Variants in ATG2B observed in about 807,000 individuals in gnomAD.
ATG2B encodes the protein autophagy-related protein 2 homolog B.
Under a neutral mutation model 241.3 loss-of-function variants are expected in ATG2B, and 121 were observed. The ratio of observed to expected loss-of-function variants is 0.50; its 90% CI spans 0.43 to 0.58. The LOEUF (loss-of-function observed/expected upper bound fraction) is 0.58, where lower values mean the gene tolerates loss of function less well. Among genes scored for constraint, ATG2B ranks in the 20% least tolerant of loss-of-function variants. The probability of loss-of-function intolerance (pLI) is 0.00; values close to 1 mark genes in which losing one functional copy is unlikely to be tolerated. For synonymous variants in ATG2B, 858 were observed against 876.6 expected, an observed-to-expected ratio of 0.98 and a Z score of 0.37; for missense variants, 2,306 against 2,491.6, an observed-to-expected ratio of 0.93 and a Z score of 1.59.
intron 8 of ATG2B, among the ~76,000 whole-genome samples, chr14:96,333,132 T>G: frequency 6.6e-6 from 1 of 152,118 alleles, no homozygotes; most frequent in South Asian, 2.1e-4. Flanking sequence ...TGGCCAAAAT[T>G]TTTTGAGTAG....
intron 18 of ATG2B, 25 bp downstream of exon 18, chr14:96,322,087 T>C: frequency 6.8e-7 from 1 of 1,472,564 alleles, no homozygotes; most frequent in South Asian, 1.4e-5. Flanking sequence ...ATTCCAAAGA[T>C]TCAACTAAAT....
intron 1 of ATG2B, among the ~76,000 whole-genome samples, chr14:96,360,500 G>A (rs1888593434): frequency 6.6e-6 from 1 of 152,246 alleles, no homozygotes; most frequent in Middle Eastern, 3.4e-3. Context: ...TTTACAAAAT[G>A]TTTAAAAACA....
chr14:96,315,079 A>G, intron 23 of ATG2B, 75 bp downstream of exon 23: 1 of 1,061,534 alleles, frequency 9.4e-7, no homozygotes, highest in Non-Finnish European at 1.4e-6. Flanking sequence ...TATGACTTAC[A>G]AACTTTTCAG....
chr14:96,319,904 A>C (rs550429324), intron 18 of ATG2B, among the ~76,000 whole-genome samples: 1 of 152,306 alleles, frequency 6.6e-6, no homozygotes, highest in South Asian at 2.1e-4. Context: ...CAAAGGATGC[A>C]AACCCTGAGG....
At chr14:96,297,770 A>C (rs1009141996) in intron 34 of ATG2B, among the ~76,000 whole-genome samples, 1 of 152,072 alleles carries the variant, frequency 6.6e-6, no homozygotes, top group Non-Finnish European at 1.5e-5. Context: ...TTTACAAATC[A>C]GTAAGACCAA....
At chr14:96,357,294 T>C (rs932537442) in intron 1 of ATG2B, among the ~76,000 whole-genome samples, 1 of 152,156 alleles carries the variant, frequency 6.6e-6, no homozygotes, top group South Asian at 2.1e-4. Flanking sequence ...TTCATCTAAG[T>C]TTCATCTTCG....
At position 96,329,479 on chromosome 14, in the gene ATG2B, T is replaced by G; in HGVS notation, c.1881+5A>C. 1 of 1,581,000 alleles carries G rather than the reference T, an allele frequency of 6.3e-7. No homozygotes were observed. Among genetic ancestry groups the G allele is most frequent in the Non-Finnish European group, 8.6e-7 (1 of 1,165,662 alleles). Reference sequence around the variant, plus strand: ...AATCTTAAAGAAAAAGTATTCAATATTTACCTCTGTATAGTGAGGAGGAAC... The same window carrying G: ...AATCTTAAAGAAAAAGTATTCAATAGTTACCTCTGTATAGTGAGGAGGAAC... On this transcript the variant is annotated splice_donor_5th_base_variant and intron_variant, in intron 12 of 41. Coordinates refer to ENST00000359933, the MANE Select transcript of ATG2B (RefSeq NM_018036.7).
chr14:96,334,364 A>C, intron 7 of ATG2B, 41 bp downstream of exon 7: 1 of 1,359,218 alleles, frequency 7.4e-7, no homozygotes, highest in Non-Finnish European at 1.0e-6. Flanking sequence ...TTTAAAATTT[A>C]AAAAAGTAAC....
In ATG2B at chr14:96,309,738, G is replaced by A. The variant is rs1349125952; in HGVS notation, c.4162-144C>T. The A allele has an allele frequency of 3.9e-6, 3 of 776,178 alleles. No individual in the cohort carries two copies. In the South Asian group the frequency reaches 7.6e-5, roughly 20 times the overall value. The allele number at this position is 776,178 out of a possible 1,614,324, so 48.1% of individuals were successfully genotyped here. ...ACTCATTTTTCTATGCCCAGCAGCT[G>A]TTATATTTCAAGTTTTTAGTATTAT... On this transcript the variant is annotated intron_variant, in intron 28 of 41. Transcript: ENST00000359933.
chr14:96,343,301 C>A lies in ATG2B; in HGVS notation c.582-20G>T. ...ACAGTTCTGAAATTTTTTTAAAAAG[C>A]ATTTACAAAAAGCTCCTAGGGGTGC... On this transcript the variant is annotated intron_variant, in intron 4 of 41. Transcript: ENST00000359933. 1 of 1,543,406 alleles carries A rather than the reference C, an allele frequency of 6.5e-7. No homozygotes were observed. The highest frequency in any genetic ancestry group is 2.0e-5 in the Admixed American group (1 of 48,920).
Position 96,311,620 on chromosome 14 carries a change from T to C in ATG2B, c.3914-2A>G. The C allele has an allele frequency of 6.3e-7, 1 of 1,596,700 alleles. No individual in the cohort carries two copies. Among genetic ancestry groups the C allele is most frequent in the Non-Finnish European group, 8.6e-7 (1 of 1,166,846 alleles). On this transcript the variant is annotated splice_acceptor_variant, in intron 26 of 41. Transcript: ENST00000359933. LOFTEE classifies it high-confidence loss of function. Reference sequence around the variant, plus strand: ...CCATATCCATCACACGAACATAATCTAAAATTTTTAAAATTAAGAAAATCT... The same window carrying C: ...CCATATCCATCACACGAACATAATCCAAAATTTTTAAAATTAAGAAAATCT...
intron 34 of ATG2B, among the ~76,000 whole-genome samples, chr14:96,296,380 G>A (rs960808566): frequency 2.6e-5 from 4 of 152,064 alleles, no homozygotes; most frequent in African/African-American, 7.2e-5. Context: ...AGGCAGCTTC[G>A]TTTTGCCTAT....
chr14:96,312,524 C>G (rs1237131831), intron 25 of ATG2B, among the ~76,000 whole-genome samples: 3 of 152,088 alleles, frequency 2.0e-5, no homozygotes, highest in African/African-American at 7.2e-5. Flanking sequence ...GGAGGACCAC[C>G]TGAGGCCAGG....
intron 30 of ATG2B, among the ~76,000 whole-genome samples, chr14:96,306,247 A>C (rs1393796164): frequency 1.3e-5 from 2 of 152,340 alleles, no homozygotes; most frequent in East Asian, 3.9e-4. Flanking sequence ...AGGTTCTCAG[A>C]ACTTTGTAAA....
chr14:96,295,444 T>C, intron 35 of ATG2B, 38 bp downstream of exon 35: 1 of 1,349,210 alleles, frequency 7.4e-7, no homozygotes, highest in Non-Finnish European at 1.0e-6. Context: ...TCAATCCAAG[T>C]ACTTGGTATA....
chr14:96,348,257 C>T (rs1888221907), intron 1 of ATG2B, among the ~76,000 whole-genome samples: 1 of 152,144 alleles, frequency 6.6e-6, no homozygotes, highest in African/African-American at 2.4e-5. Flanking sequence ...TTTGCATGTT[C>T]TCACTTATCT....
intron 29 of ATG2B, among the ~76,000 whole-genome samples, chr14:96,308,284 T>TA (rs1566720015): frequency 1.2e-4 from 5 of 42,988 alleles, no homozygotes; most frequent in South Asian, 7.2e-4. Context: ...ATATATATAT[T>TA]TTTTTTTTTT....
At chr14:96,297,824 C>T (rs184841779) in intron 34 of ATG2B, among the ~76,000 whole-genome samples, 40 of 152,234 alleles carry the variant, frequency 2.6e-4, no homozygotes, top group Middle Eastern at 3.4e-3. Flanking sequence ...GGGGGTCTCG[C>T]TCTGTCACCC....
rs1271068329 is a variant in ATG2B at position 96,302,036 on chromosome 14, G to A, written c.5110C>T (p.Leu1704=). 1.2e-6 allele frequency: 2 copies of A among 1,614,080 alleles called. No individual in the cohort carries two copies. The highest frequency in any genetic ancestry group is 8.5e-7 in the Non-Finnish European group (1 of 1,179,994). The change falls in exon 34 of 42, where the codon CTG becomes TTG. Residue 1704 remains leucine, a synonymous_variant. Coordinates refer to ENST00000359933, the MANE Select transcript of ATG2B (RefSeq NM_018036.7). Reference sequence around the variant, plus strand: ...TCAATATTGAGGCGGAGCGGCATCAGCGACACTCTCAAGCAGCACTCCTGT... The same window carrying A: ...TCAATATTGAGGCGGAGCGGCATCAACGACACTCTCAAGCAGCACTCCTGT... ...SPQECCLRVS[L]MPLRLNIDQD...
Sources: gnomAD v4.1 joint callset for allele counts (sites outside exome capture counted in the v4.1 genomes callset) on GRCh38, gnomAD v4.1.1 for gene constraint, MANE v1.5 for transcripts, NCBI Gene and HGNC (gene_info 2026-07-23, HGNC 2026-07-21) for gene names.